The following PECAM1 variants were observed in gnomAD, a reference collection of about 807,000 sequenced individuals.
PECAM1 encodes platelet endothelial cell adhesion molecule.
Under a neutral mutation model 13.8 loss-of-function variants are expected in PECAM1, and 8 were observed. The observed-to-expected ratio is 0.58, with a 90% CI of 0.34 to 1.05. The LOEUF (loss-of-function observed/expected upper bound fraction) is 1.05. PECAM1 is among the 50% of genes least tolerant of loss of function. The probability of loss-of-function intolerance (pLI) is 0.03; values close to 1 mark genes in which losing one functional copy is unlikely to be tolerated. For missense variants in PECAM1, 304 were observed against 141.2 expected (o/e 2.15, Z -5.84); for synonymous variants, 136 against 52.6 (o/e 2.58, Z -6.86).
chr17:64,363,417 A>C lies in PECAM1; in HGVS notation c.968-20T>G. 2.1e-6 allele frequency: 1 copy of C among 475,258 alleles called. No homozygotes were observed. The highest frequency in any genetic ancestry group is 3.9e-6 in the Non-Finnish European group (1 of 259,082). The allele number at this position is 475,258 out of a possible 1,614,324, so 29.4% of individuals were successfully genotyped here. On this transcript the variant is annotated intron_variant, in intron 5 of 15. Transcript: ENST00000563924. ...ATAGTTCTGAAAAACAGTGAGTGGGAATGGAGCGAGATGTGTCTGGCCACC... is the reference window on the plus strand; with the variant it reads ...ATAGTTCTGAAAAACAGTGAGTGGGCATGGAGCGAGATGTGTCTGGCCACC...
Position 64,362,583 on chromosome 17 carries a change from C to T in PECAM1, c.1216+566G>A, listed in dbSNP as rs1025695013. Among the ~76,000 whole-genome samples the T allele has an allele frequency of 6.3e-4, 95 of 151,884 alleles. 1 individual carries two copies. In the East Asian group the frequency reaches 8.1e-3, roughly 13 times the overall value. On this transcript the variant is annotated intron_variant, in intron 6 of 15. Coordinates refer to ENST00000563924, the MANE Select transcript of PECAM1 (RefSeq NM_000442.5). ...AGGAGAATGGCGTGAACCCAGGAGG[C>T]GGAGCTTGCAGTGAGCCCAGATTGT... is the stretch of plus-strand genomic sequence containing the variant.
In PECAM1 at chr17:64,319,948, C is replaced by T. The variant is rs183299651; in HGVS notation, c.*3868G>A. ...CACCTGACCATCACCTGATGGTAGCCTGACATTCCTGTGGGGGCCCTCACC... is the reference window on the plus strand; with the variant it reads ...CACCTGACCATCACCTGATGGTAGCTTGACATTCCTGTGGGGGCCCTCACC... On this transcript the variant is annotated 3_prime_UTR_variant, in exon 16 of 16. Transcript: ENST00000563924. The T allele has an allele frequency of 5.3e-5, 8 of 152,280 alleles. No individual in the cohort carries two copies. The highest frequency in any genetic ancestry group is 5.2e-4 in the Admixed American group (8 of 15,278). The allele number at this position is 152,280 out of a possible 1,614,324, so 9.4% of individuals were successfully genotyped here.
rs1256748371 is a variant in PECAM1, at chr17:64,319,838, C to A, written c.*3978G>T. On this transcript the variant is annotated 3_prime_UTR_variant, in exon 16 of 16. Transcript: ENST00000563924. The stretch of plus-strand genomic sequence containing the variant: ...ATCGGGAAGCGGCTGATCACCAGAT[C>A]AGGGTGTTTTGTATCTATTGAGAGA... 1 of 152,154 alleles carries A rather than the reference C, an allele frequency of 6.6e-6. No homozygotes were observed. Among genetic ancestry groups the A allele is most frequent in the African/African-American group, 2.4e-5 (1 of 41,426 alleles). The allele number at this position is 152,154 out of a possible 1,614,324, so 9.4% of individuals were successfully genotyped here.
chr17:64,365,731 C>G (rs2036089765), intron 5 of PECAM1, among the ~76,000 whole-genome samples: 4 of 151,216 alleles, frequency 2.6e-5, no homozygotes, highest in Admixed American at 2.6e-4. Context: ...GAAAGGATTC[C>G]CTATTTAATA....
intron 15 of PECAM1, among the ~76,000 whole-genome samples, chr17:64,324,134 C>CA (rs1368701107): frequency 1.3e-5 from 2 of 152,178 alleles, no homozygotes; most frequent in Admixed American, 6.5e-5. Flanking sequence ...GCAGCTGTGT[C>CA]ACTGAGGCAA....
chr17:64,381,930 A>G (rs7213287), intron 2 of PECAM1, among the ~76,000 whole-genome samples: 14,108 of 151,904 alleles, frequency 0.093, 2,203 homozygotes, highest in African/African-American at 0.32. Context: ...GTGAAACCTC[A>G]TCTCTACTAA....
intron 14 of PECAM1, among the ~76,000 whole-genome samples, chr17:64,334,353 G>C (rs1377027572): frequency 6.6e-6 from 1 of 152,058 alleles, no homozygotes; most frequent in Non-Finnish European, 1.5e-5. Context: ...GGGGGTTTAA[G>C]GGCCAGAACT....
intron 14 of PECAM1, among the ~76,000 whole-genome samples, chr17:64,331,645 T>C (rs1555646723): frequency 2.0e-5 from 3 of 152,260 alleles, no homozygotes. Flanking sequence ...GATCCCTGCC[T>C]GCATTCATTA....
Position 64,390,754 on chromosome 17 carries a change from GAA to G in PECAM1, c.-91_-90del. 2 of 405,742 alleles carry G rather than the reference GAA, an allele frequency of 4.9e-6. No homozygotes were observed. The highest frequency in any genetic ancestry group is 8.8e-5 in the Admixed American group (2 of 22,780). 25.1% of individuals were successfully genotyped at this position (405,742 alleles called of 1,614,324 possible). Reference sequence around the variant, plus strand: ...GGCACTGCCCACAAGTCACCGTTGAGAAACCCGCCCTGTGAAAAGCAGAAATT... The same window carrying G: ...GGCACTGCCCACAAGTCACCGTTGAGACCCGCCCTGTGAAAAGCAGAAATT... On this transcript the variant is annotated 5_prime_UTR_variant, in exon 1 of 16. Transcript: ENST00000563924.
intron 15 of PECAM1, among the ~76,000 whole-genome samples, chr17:64,328,041 T>G (rs1555645983): frequency 6.6e-6 from 1 of 152,196 alleles, no homozygotes; most frequent in South Asian, 2.1e-4. Flanking sequence ...ATCAAATGAC[T>G]CTATTCTTTT....
At chr17:64,387,588 G>A (rs901283061) in intron 2 of PECAM1, among the ~76,000 whole-genome samples, 4 of 152,256 alleles carry the variant, frequency 2.6e-5, no homozygotes, top group African/African-American at 9.6e-5. Context: ...GGTGAGGAAG[G>A]GTCTCAGCCT....
At chr17:64,358,660 C>T (rs1485814605) in intron 7 of PECAM1, among the ~76,000 whole-genome samples, 1 of 152,118 alleles carries the variant, frequency 6.6e-6, no homozygotes, top group Non-Finnish European at 1.5e-5. Context: ...TTTTTCTATG[C>T]TTATTGGTAT....
intron 5 of PECAM1, 33 bp downstream of exon 5, chr17:64,369,717 T>G (rs1354434703): frequency 5.0e-6 from 2 of 398,524 alleles, no homozygotes; most frequent in African/African-American, 2.1e-5. Context: ...GAGCCCGCCA[T>G]ATGCCAACAC....
At chr17:64,365,088 A>G (rs1277418476) in intron 5 of PECAM1, among the ~76,000 whole-genome samples, 2 of 151,722 alleles carry the variant, frequency 1.3e-5, no homozygotes, top group African/African-American at 4.8e-5. Context: ...GTCTCAGCCC[A>G]AAATCTCCTT....
At position 64,363,406 on chromosome 17, in the gene PECAM1, C is replaced by G. The variant is rs1267448233; in HGVS notation, c.968-9G>C. 1.2e-4 allele frequency: 55 copies of G among 475,388 alleles called. No homozygotes were observed. The East Asian group carries it at 1.6e-3, about 14-fold the overall frequency. 29.4% of individuals were successfully genotyped at this position (475,388 alleles called of 1,614,324 possible). A position where few individuals can be genotyped will look rare whatever the true frequency, so the allele number is the denominator to read the frequency against. Reference sequence around the variant, plus strand: ...GGGCTTGGAAAATAGTTCTGAAAAACAGTGAGTGGGAATGGAGCGAGATGT... The same window carrying G: ...GGGCTTGGAAAATAGTTCTGAAAAAGAGTGAGTGGGAATGGAGCGAGATGT... On this transcript the variant is annotated splice_polypyrimidine_tract_variant and intron_variant, in intron 5 of 15. Transcript: ENST00000563924.
chr17:64,354,562 C>T (rs993325364), intron 9 of PECAM1, among the ~76,000 whole-genome samples: 30 of 152,276 alleles, frequency 2.0e-4, no homozygotes, highest in East Asian at 1.9e-4. Flanking sequence ...GCTGCTCAGC[C>T]GGGCTTACTT....
At chr17:64,326,468 A>T (rs2034962430) in intron 15 of PECAM1, among the ~76,000 whole-genome samples, 1 of 152,228 alleles carries the variant, frequency 6.6e-6, no homozygotes, top group Admixed American at 6.5e-5. Context: ...GGAGAGCCCC[A>T]TGCAAGTGGG....
Position 64,360,186 on chromosome 17 carries a change from A to G in PECAM1, c.1446T>C (p.His482=). ...VEYQCVADNC[H]SHAKMLSEVL... is the part of the protein sequence containing the mutation. ...CCTCACTTAACATTTTGGCATGGGA[A>G]TGGCAATTATCTGCAACACACTGGT... The change falls in exon 7 of 16, where the codon CAT becomes CAC. Residue 482 remains histidine (H), a synonymous_variant. Coordinates refer to ENST00000563924, the MANE Select transcript of PECAM1 (RefSeq NM_000442.5). 2 of 475,410 alleles carry G rather than the reference A, an allele frequency of 4.2e-6. No homozygotes were observed. Among genetic ancestry groups the G allele is most frequent in the Non-Finnish European group, 3.9e-6 (1 of 259,056 alleles). The allele number at this position is 475,410 out of a possible 1,614,324, so 29.4% of individuals were successfully genotyped here.
At chr17:64,358,036 T>C (rs1197717738) in intron 7 of PECAM1, among the ~76,000 whole-genome samples, 4 of 151,734 alleles carry the variant, frequency 2.6e-5, no homozygotes, top group Admixed American at 6.6e-5. Flanking sequence ...CTCAGCCACT[T>C]TTTCAGCTCA....
Sources: gnomAD v4.1 joint callset for allele counts (sites outside exome capture counted in the v4.1 genomes callset) on GRCh38, gnomAD v4.1.1 for gene constraint, MANE v1.5 for transcripts, NCBI Gene and HGNC (gene_info 2026-07-23, HGNC 2026-07-21) for gene names.